RABGEF1: variants seen among roughly 807,000 people sequenced by gnomAD.
The protein encoded by RABGEF1 is RAB guanine nucleotide exchange factor 1, also known as rab5 GDP/GTP exchange factor.
A neutral mutation model predicts 57.3 loss-of-function variants in RABGEF1; 26 were observed. The observed-to-expected ratio is 0.45, with a 90% CI of 0.33 to 0.63. The LOEUF is 0.63. Among genes scored for constraint, RABGEF1 ranks in the 20% least tolerant of loss-of-function variants. The probability of loss-of-function intolerance (pLI) is 0.02; values close to 1 mark genes in which losing one functional copy is unlikely to be tolerated. For missense variants in RABGEF1, 464 were observed against 607.6 expected, an observed-to-expected ratio of 0.76 and a Z score of 2.48; for synonymous variants, 185 against 210.7, an observed-to-expected ratio of 0.88 and a Z score of 1.06.
At chr7:66,740,731 C>G (rs1389091997), upstream of RABGEF1, 1 of 152,668 alleles carries the variant, frequency 6.6e-6, no homozygotes, top group Non-Finnish European at 1.5e-5. Flanking sequence ...GCCGCGGAGC[C>G]CAGACCTACC....
chr7:66,792,108 C>A, intron 4 of RABGEF1, among the ~76,000 whole-genome samples: 1 of 138,746 alleles, frequency 7.2e-6, no homozygotes. Flanking sequence ...GAGACTCCAT[C>A]TCAAAAAAAA....
chr7:66,775,420 T>G, intron 3 of RABGEF1, 27 bp downstream of exon 3: 3 of 1,609,348 alleles, frequency 1.9e-6, no homozygotes, highest in Non-Finnish European at 2.5e-6. Flanking sequence ...CTTTTTTTTC[T>G]TCTCTGCCTG....
chr7:66,680,909 C>T (rs990940428), upstream of RABGEF1, among the ~76,000 whole-genome samples: 3 of 152,038 alleles, frequency 2.0e-5, no homozygotes, highest in Non-Finnish European at 2.9e-5. Context: ...GGTGAAACCC[C>T]GTCTCGACTA....
At chr7:66,674,117 G>A in the RABGEF1 span, among the ~76,000 whole-genome samples, 284 of 152,044 alleles carry the variant, frequency 1.9e-3, 1 homozygote, top group Non-Finnish European at 2.4e-3. Context: ...TGTTAACCAC[G>A]CGCTTACCCT....
chr7:66,661,118 A>G, the RABGEF1 span, among the ~76,000 whole-genome samples: 1 of 151,996 alleles, frequency 6.6e-6, no homozygotes, highest in Non-Finnish European at 1.5e-5. Context: ...GACCACAGTG[A>G]AACCCCGTCT....
intron 2 of RABGEF1, among the ~76,000 whole-genome samples, chr7:66,731,655 T>G (rs1428986174): frequency 6.6e-6 from 1 of 152,156 alleles, no homozygotes; most frequent in East Asian, 1.9e-4. Flanking sequence ...AGTTCGAGAC[T>G]GCAGTGAGCT....
At chr7:66,726,878 C>T (rs1265643597) in intron 2 of RABGEF1, among the ~76,000 whole-genome samples, 2 of 152,084 alleles carry the variant, frequency 1.3e-5, no homozygotes, top group Admixed American at 1.3e-4. Flanking sequence ...GTGGCATGTG[C>T]CTGTAGTCCC....
the RABGEF1 span, among the ~76,000 whole-genome samples, chr7:66,670,433 ATTTTTTTTTTTTTTTTTTTT>A: frequency 8.6e-6 from 1 of 116,032 alleles, no homozygotes; most frequent in South Asian, 3.2e-4. Flanking sequence ...GAATGAGATG[ATTTTTTTTTTTTTTTTTTTT>A]TTTTTTTTTT....
chr7:66,675,150 A>G, the RABGEF1 span, among the ~76,000 whole-genome samples: 3 of 152,052 alleles, frequency 2.0e-5, no homozygotes, highest in Non-Finnish European at 2.9e-5. Context: ...ATTTTCTCCA[A>G]TTTTACAGAC....
chr7:66,794,967 C>A (rs12531365), intron 4 of RABGEF1, among the ~76,000 whole-genome samples: 3 of 151,994 alleles, frequency 2.0e-5, no homozygotes, highest in African/African-American at 4.8e-5. Context: ...TTTAAGAATA[C>A]GTAGATTTAG....
chr7:66,692,374 C>T (rs572799546), intron 1 of RABGEF1, among the ~76,000 whole-genome samples: 1 of 152,296 alleles, frequency 6.6e-6, no homozygotes, highest in Admixed American at 6.5e-5. Context: ...AAGTTCTGCA[C>T]CTACAGCATT....
chr7:66,799,596 A>C (rs1389545246), intron 7 of RABGEF1, among the ~76,000 whole-genome samples, 182 bp downstream of exon 7: 1 of 152,114 alleles, frequency 6.6e-6, no homozygotes, highest in Non-Finnish European at 1.5e-5. Flanking sequence ...GTTCTCTTTT[A>C]CCCCTTTATT....
intron 1 of RABGEF1, among the ~76,000 whole-genome samples, chr7:66,753,535 A>T (rs1290683305): frequency 6.6e-6 from 1 of 152,022 alleles, no homozygotes; most frequent in Non-Finnish European, 1.5e-5. Flanking sequence ...TACCCAGTGG[A>T]TATAAAAGTT....
intron 1 of RABGEF1, among the ~76,000 whole-genome samples, chr7:66,709,651 T>C (rs570913277): frequency 7.2e-4 from 110 of 152,244 alleles, no homozygotes; most frequent in South Asian, 1.2e-3. Context: ...CCAGGCATCT[T>C]GTAATCCCAC....
the RABGEF1 span, among the ~76,000 whole-genome samples, chr7:66,657,038 A>C: frequency 2.0e-5 from 3 of 152,166 alleles, no homozygotes. Context: ...AAAGGGAGAA[A>C]TAGAGTTTCA....
intron 1 of RABGEF1, among the ~76,000 whole-genome samples, chr7:66,694,447 T>C (rs1256738697): frequency 1.3e-5 from 2 of 151,976 alleles, no homozygotes; most frequent in Non-Finnish European, 2.9e-5. Context: ...AAGGTCTGGC[T>C]GGAAAGGTGG....
At chr7:66,727,345 G>A (rs1796700357) in intron 2 of RABGEF1, among the ~76,000 whole-genome samples, 1 of 152,164 alleles carries the variant, frequency 6.6e-6, no homozygotes, top group Admixed American at 6.5e-5. Flanking sequence ...CTGGACTCAG[G>A]GCCTAGGGCT....
intron 6 of RABGEF1, among the ~76,000 whole-genome samples, chr7:66,798,402 T>C (rs1274749967): frequency 2.0e-5 from 3 of 152,280 alleles, no homozygotes; most frequent in South Asian, 2.1e-4. Context: ...AAGGGGCTGG[T>C]ACTTGCTAGA....
intron 1 of RABGEF1, among the ~76,000 whole-genome samples, chr7:66,753,709 T>G (rs1380407334): frequency 6.4e-5 from 9 of 141,674 alleles, no homozygotes; most frequent in African/African-American, 1.8e-4. Context: ...TCGTTTTTTT[T>G]TTTTTTTTTT....
Sources: allele counts gnomAD v4.1 joint callset (sites outside exome capture counted in the v4.1 genomes callset), GRCh38; gene constraint gnomAD v4.1.1; transcripts MANE v1.5; gene names NCBI Gene and HGNC (gene_info 2026-07-23, HGNC 2026-07-21).